The following IL12A variants were observed in gnomAD, a reference collection of about 807,000 sequenced individuals.
IL12A encodes interleukin-12 subunit alpha.
Under a neutral mutation model 23.5 loss-of-function variants are expected in IL12A, and 16 were observed. That is an observed-to-expected ratio of 0.68 (90% CI 0.46 to 1.03). IL12A has a LOEUF of 1.03. IL12A is among the 50% of genes least tolerant of loss of function. The pLI, the probability that IL12A is intolerant of heterozygous loss-of-function variation, is 0.00. For synonymous variants in IL12A, 106 were observed against 111.5 expected (o/e 0.95, Z 0.31); for missense variants, 275 against 307.0 (o/e 0.90, Z 0.78).
intron 3 of IL12A, 46 bp from the exon 4 acceptor site, chr3:159,993,404 AT>A (rs1418658730): frequency 2.0e-6 from 3 of 1,469,236 alleles, no homozygotes; most frequent in Non-Finnish European, 2.8e-6. Flanking sequence ...AGTCAGAAAG[AT>A]TTATACTAAG....
Position 159,995,652 on chromosome 3 carries a change from A to G in IL12A, c.*93A>G, listed in dbSNP as rs1720482004. 6.8e-6 allele frequency: 6 copies of G among 887,798 alleles called. No homozygotes were observed. The highest frequency in any genetic ancestry group is 1.0e-5 in the Non-Finnish European group (6 of 593,864). The allele number at this position is 887,798 out of a possible 1,614,324, so 55.0% of individuals were successfully genotyped here. A position where few individuals can be genotyped will look rare whatever the true frequency, so the allele number is the denominator to read the frequency against. ...GTGGATTAAGAACTAGGGAGGGGGA[A>G]AGAAGGATGGGACTATTACATCCAC... On this transcript the variant is annotated 3_prime_UTR_variant, in exon 7 of 7. Transcript: ENST00000305579.
chr3:159,995,770 T>C lies in IL12A; in HGVS notation c.*211T>C, dbSNP rs1720486904. 1 of 363,300 alleles carries C rather than the reference T, an allele frequency of 2.8e-6. No homozygotes were observed. Among genetic ancestry groups the C allele is most frequent in the Non-Finnish European group, 4.9e-6 (1 of 204,602 alleles). The allele number at this position is 363,300 out of a possible 1,614,324, so 22.5% of individuals were successfully genotyped here. On this transcript the variant is annotated 3_prime_UTR_variant, in exon 7 of 7. Coordinates refer to ENST00000305579, the MANE Select transcript of IL12A (RefSeq NM_000882.4). ...AATTGCTAAGAAGGGAAAATATCCA[T>C]CCTGAAGGTGTTTTTCATTCACTTT...
At chr3:159,995,337 A>G (rs1245008292) in intron 6 of IL12A, 67 bp from the exon 7 acceptor site, 4 of 1,349,966 alleles carry the variant, frequency 3.0e-6, no homozygotes, top group Non-Finnish European at 4.0e-6. Flanking sequence ...GGCTTCACTC[A>G]TTTTTATGAA....
At chr3:159,990,381 C>T (rs1243518357) in intron 2 of IL12A, 69 bp downstream of exon 2, 1 of 1,469,838 alleles carries the variant, frequency 6.8e-7, no homozygotes, top group Non-Finnish European at 9.4e-7. Flanking sequence ...TGATCCTCCC[C>T]TCTGGTACCT....
chr3:159,989,203 C>A, intron 1 of IL12A, 29 bp downstream of exon 1: 1 of 1,578,850 alleles, frequency 6.3e-7, no homozygotes, highest in Non-Finnish European at 8.7e-7. Flanking sequence ...AGGTCTTTGG[C>A]TCGCTCGGGT....
In IL12A at chr3:159,993,728, G is replaced by A; in HGVS notation, c.490G>A (p.Asp164Asn). The A allele has an allele frequency of 6.2e-7, 1 of 1,614,132 alleles. No individual in the cohort carries two copies. Among genetic ancestry groups the A allele is most frequent in the Non-Finnish European group, 8.5e-7 (1 of 1,179,998 alleles). The change falls in exon 6 of 7, where the codon GAC (aspartate) becomes AAC (asparagine). Residue 164 changes from aspartate (D) to asparagine (N), a missense_variant. Asp to Asn is a conservative substitution (Grantham distance 23). Transcript: ENST00000305579. ...CCTGTGCCTTAGTAGTATTTATGAA[G>A]ACTTGAAGATGTACCAGGTGGAGTT...
chr3:159,988,900 A>C lies in IL12A; in HGVS notation c.-157A>C. ...CGTCCCGGAACGGCTGCGGCCGGGC[A>C]CCCCGGGAGTTAATCCGAAAGCGCC... On this transcript the variant is annotated 5_prime_UTR_variant, in exon 1 of 7. Transcript: ENST00000305579. 1.8e-5 allele frequency: 11 copies of C among 615,830 alleles called. No individual in the cohort carries two copies. The highest frequency in any genetic ancestry group is 1.7e-5 in the Non-Finnish European group (6 of 353,108). 38.1% of individuals were successfully genotyped at this position (615,830 alleles called of 1,614,324 possible).
In IL12A at chr3:159,990,163, C is replaced by T. The variant is rs1362396836; in HGVS notation, c.119-4C>T. The T allele has an allele frequency of 6.2e-7, 1 of 1,613,936 alleles. No individual in the cohort carries two copies. The highest frequency in any genetic ancestry group is 1.7e-5 in the Admixed American group (1 of 60,006). On this transcript the variant is annotated splice_region_variant and splice_polypyrimidine_tract_variant and intron_variant, in intron 1 of 6. Transcript: ENST00000305579. ...GCTCCTCCACCTGCTCCTCTTCCTT[C>T]CAGGCCTCCTCCTTGTGGCTACCCT...
intron 3 of IL12A, 103 bp downstream of exon 3, chr3:159,993,228 G>T (rs1377125021): frequency 5.2e-6 from 4 of 762,398 alleles, no homozygotes; most frequent in Non-Finnish European, 8.8e-6. Flanking sequence ...ATCATTATGG[G>T]ATTTTAACTG....
intron 2 of IL12A, 145 bp from the exon 3 acceptor site, chr3:159,992,867 A>G (rs774586763): frequency 8.3e-6 from 5 of 600,134 alleles, no homozygotes; most frequent in Non-Finnish European, 1.5e-5. Context: ...TTGTATTATG[A>G]AGAACCAGAA....
At chr3:159,991,872 T>TA (rs1720327991) in intron 2 of IL12A, among the ~76,000 whole-genome samples, 1 of 152,230 alleles carries the variant, frequency 6.6e-6, no homozygotes, top group Non-Finnish European at 1.5e-5. Flanking sequence ...ACTGACCTTC[T>TA]ACCCGCTTCT....
chr3:159,993,884 C>A, intron 6 of IL12A, 40 bp downstream of exon 6: 1 of 1,602,900 alleles, frequency 6.2e-7, no homozygotes, highest in Non-Finnish European at 8.5e-7. Flanking sequence ...CTTTTTCATG[C>A]TAAAGATAAC....
Position 159,988,880 on chromosome 3 carries a change from C to T in IL12A, c.-177C>T, listed in dbSNP as rs574291445. On this transcript the variant is annotated 5_prime_UTR_variant, in exon 1 of 7. Coordinates refer to ENST00000305579, the MANE Select transcript of IL12A (RefSeq NM_000882.4). ...CGAGCTGGAGGCGGCGGGGCCGTCC[C>T]GGAACGGCTGCGGCCGGGCACCCCG... 4.9e-6 allele frequency: 3 copies of T among 606,158 alleles called. No homozygotes were observed. The highest frequency in any genetic ancestry group is 3.0e-5 in the Admixed American group (1 of 32,908). 37.5% of individuals were successfully genotyped at this position (606,158 alleles called of 1,614,324 possible). A position where few individuals can be genotyped will look rare whatever the true frequency, so the allele number is the denominator to read the frequency against.
intron 6 of IL12A, among the ~76,000 whole-genome samples, chr3:159,994,563 T>A (rs1056407205): frequency 5.4e-5 from 8 of 149,494 alleles, no homozygotes; most frequent in African/African-American, 1.7e-4. Context: ...AGTAATTGTT[T>A]TACTTTTATT....
At position 159,993,402 on chromosome 3, in the gene IL12A, A is replaced by G. The variant is rs1176948408; in HGVS notation, c.379-49A>G. On this transcript the variant is annotated intron_variant, in intron 3 of 6. Transcript: ENST00000305579. The stretch of plus-strand genomic sequence containing the variant: ...AAATTTGAGACCTGAAGAGTCAGAA[A>G]GATTTATACTAAGAATTAATACTTT... 3.5e-6 allele frequency: 5 copies of G among 1,446,230 alleles called. No homozygotes were observed. The South Asian group carries it at 5.0e-5, about 14-fold the overall frequency. The allele number at this position is 1,446,230 out of a possible 1,614,324, so 89.6% of individuals were successfully genotyped here.
intron 2 of IL12A, among the ~76,000 whole-genome samples, chr3:159,990,605 T>G (rs1720270536): frequency 6.6e-6 from 1 of 152,210 alleles, no homozygotes; most frequent in African/African-American, 2.4e-5. Flanking sequence ...CCAACAGAGA[T>G]AGAATTGTGT....
In IL12A at chr3:159,993,418, T is replaced by A. The variant is rs768060361; in HGVS notation, c.379-33T>A. 14 of 1,548,658 alleles carry A rather than the reference T, an allele frequency of 9.0e-6. No homozygotes were observed. In the Admixed American group the frequency reaches 2.4e-4, roughly 26 times the overall value. ...GAGTCAGAAAGATTTATACTAAGAATTAATACTTTGATATATGATTTTTTC... is the reference window on the plus strand; with the variant it reads ...GAGTCAGAAAGATTTATACTAAGAAATAATACTTTGATATATGATTTTTTC... On this transcript the variant is annotated intron_variant, in intron 3 of 6. Coordinates refer to ENST00000305579, the MANE Select transcript of IL12A (RefSeq NM_000882.4).
intron 3 of IL12A, 64 bp from the exon 4 acceptor site, chr3:159,993,387 C>A (rs971492998): frequency 7.7e-7 from 1 of 1,293,590 alleles, no homozygotes; most frequent in Non-Finnish European, 1.1e-6. Flanking sequence ...AAATTTGAGA[C>A]CTGAAGAGTC....
In IL12A at chr3:159,993,592, A is replaced by C; in HGVS notation, c.445A>C (p.Lys149Gln). The change falls in exon 5 of 7, where the codon AAG becomes CAG. Residue 149 changes from lysine (K) to glutamine (Q), a missense_variant. Physicochemically the swap from Lys to Gln is moderately conservative, Grantham distance 53. Transcript: ENST00000305579. ...GAATGGGAGTTGCCTGGCCTCCAGA[A>C]AGACCTCTTTTATGATGGTAAGACA... The C allele has an allele frequency of 6.2e-7, 1 of 1,614,162 alleles. No homozygotes were observed. The highest frequency in any genetic ancestry group is 8.5e-7 in the Non-Finnish European group (1 of 1,180,012).
Sources: allele counts gnomAD v4.1 joint callset (sites outside exome capture counted in the v4.1 genomes callset), GRCh38; gene constraint gnomAD v4.1.1; transcripts MANE v1.5; gene names NCBI Gene and HGNC (gene_info 2026-07-23, HGNC 2026-07-21).